Variants in MAPRE2 observed in about 807,000 individuals in gnomAD.
MAPRE2 encodes the protein microtubule associated protein RP/EB family member 2.
MAPRE2 carries 13 observed loss-of-function variants against 43.2 expected under a neutral mutation model. That is an observed-to-expected ratio of 0.30 (90% CI 0.20 to 0.48). MAPRE2 has a LOEUF of 0.48. MAPRE2 is among the 20% of genes least tolerant of loss of function. MAPRE2 has a pLI of 0.99. For synonymous variants in MAPRE2, 135 were observed against 148.8 expected (o/e 0.91, Z 0.68); for missense variants, 161 against 400.2 (o/e 0.40, Z 5.10).
At chr18:34,993,949 A>G (rs11663908) in intron 1 of MAPRE2, among the ~76,000 whole-genome samples, 4,247 of 150,886 alleles carry the variant, frequency 0.028, 102 homozygotes, top group Non-Finnish European at 0.036. Flanking sequence ...AGATGATCTC[A>G]TTTAATGCCA....
At chr18:35,094,512 T>G (rs1908310608) in intron 2 of MAPRE2, among the ~76,000 whole-genome samples, 2 of 152,140 alleles carry the variant, frequency 1.3e-5, no homozygotes, top group African/African-American at 4.8e-5. Flanking sequence ...AGGCAATAGA[T>G]AGTAAAAATA....
At chr18:34,997,603 G>C (rs920711651) in intron 1 of MAPRE2, among the ~76,000 whole-genome samples, 14 of 152,142 alleles carry the variant, frequency 9.2e-5, no homozygotes. Flanking sequence ...ATCCCCTGAG[G>C]TAAAGAGTTC....
chr18:35,089,532 G>A (rs1339741474), intron 2 of MAPRE2, among the ~76,000 whole-genome samples: 1 of 140,890 alleles, frequency 7.1e-6, no homozygotes, highest in East Asian at 2.0e-4. Flanking sequence ...ACATACAAAT[G>A]GCCTAAAAAG....
chr18:34,999,106 C>T (rs747258596), intron 1 of MAPRE2, among the ~76,000 whole-genome samples: 5 of 152,120 alleles, frequency 3.3e-5, no homozygotes, highest in Non-Finnish European at 7.4e-5. Flanking sequence ...AAACCTCTCT[C>T]TGTGCTACTT....
At chr18:35,005,558 G>A (rs2150580663) in intron 2 of MAPRE2, 1 of 1,524,898 alleles carries the variant, frequency 6.6e-7, no homozygotes, top group East Asian at 2.5e-5. Context: ...CTCAAGGTAA[G>A]GTTTATATAA....
intron 5 of MAPRE2, 30 bp downstream of exon 5, chr18:35,127,117 G>C: frequency 1.2e-6 from 2 of 1,613,698 alleles, no homozygotes; most frequent in Non-Finnish European, 1.7e-6. Context: ...CACGCCTCTA[G>C]GAGCAGTGAC....
At chr18:35,017,571 T>G (rs273355) in intron 2 of MAPRE2, among the ~76,000 whole-genome samples, 5 of 29,570 alleles carry the variant, frequency 1.7e-4, no homozygotes, top group Non-Finnish European at 2.3e-4. Flanking sequence ...TTGTTTTTTG[T>G]TTTTTTTTTA....
At chr18:35,114,186 T>C (rs542671319) in intron 4 of MAPRE2, among the ~76,000 whole-genome samples, 3 of 152,282 alleles carry the variant, frequency 2.0e-5, no homozygotes, top group South Asian at 4.1e-4. Flanking sequence ...ATGTCATGGA[T>C]GTGGTCTTGT....
intron 4 of MAPRE2, among the ~76,000 whole-genome samples, chr18:35,108,668 CTG>C (rs533842741): frequency 9.8e-4 from 149 of 151,696 alleles, no homozygotes; most frequent in African/African-American, 3.5e-3. Context: ...ACTATTCTGA[CTG>C]TGTGAGATGG....
intron 2 of MAPRE2, among the ~76,000 whole-genome samples, chr18:35,086,051 A>G (rs1390060320): frequency 3.9e-5 from 6 of 152,136 alleles, no homozygotes; most frequent in Non-Finnish European, 8.8e-5. Flanking sequence ...ATCAGTACCA[A>G]ATAAGATTAT....
Position 35,097,582 on chromosome 18 carries a change from C to A in MAPRE2, c.387C>A (p.Asn129Lys), listed in dbSNP as rs750392221. 1 of 1,612,054 alleles carries A rather than the reference C, an allele frequency of 6.2e-7. No homozygotes were observed. Among genetic ancestry groups the A allele is most frequent in the South Asian group, 1.1e-5 (1 of 90,862 alleles). The part of the protein sequence containing the change: ...KLLQASFKRM[N>K]VDKVIPVEKL... ...TGCAAGCATCATTTAAGCGAATGAA[C>A]GTTGATAAGGTAGGAGACTTGTACC... The change falls in exon 3 of 7, where the codon AAC (asparagine) becomes AAA (lysine). Residue 129 changes from asparagine to lysine, a missense_variant. Transcript: ENST00000300249.
intron 1 of MAPRE2, among the ~76,000 whole-genome samples, chr18:34,998,257 G>A (rs1383012252): frequency 6.6e-6 from 1 of 151,922 alleles, no homozygotes; most frequent in East Asian, 1.9e-4. Context: ...ACTTATGGAC[G>A]GAGGCTATGC....
intron 2 of MAPRE2, among the ~76,000 whole-genome samples, chr18:35,094,672 G>T (rs1030621820): frequency 3.3e-5 from 5 of 152,132 alleles, no homozygotes; most frequent in Non-Finnish European, 5.9e-5. Flanking sequence ...AAAATGTTGG[G>T]TAGCTCAGAG....
intron 1 of MAPRE2, among the ~76,000 whole-genome samples, chr18:35,053,088 G>T (rs961526194): frequency 3.3e-5 from 5 of 150,182 alleles, no homozygotes; most frequent in Admixed American, 1.3e-4. Context: ...TCCTCAGTAA[G>T]TACATATTAA....
At chr18:35,075,822 T>C (rs1221744121) in intron 2 of MAPRE2, among the ~76,000 whole-genome samples, 2 of 152,174 alleles carry the variant, frequency 1.3e-5, no homozygotes, top group Admixed American at 1.3e-4. Flanking sequence ...CAGGCAGTAA[T>C]ATATGGTAAT....
At chr18:35,042,702 C>G (rs1425403308) in intron 1 of MAPRE2, among the ~76,000 whole-genome samples, 2 of 152,132 alleles carry the variant, frequency 1.3e-5, no homozygotes, top group African/African-American at 4.8e-5. Flanking sequence ...GCTAACAATG[C>G]TTTTGCTTTG....
chr18:35,051,087 G>A (rs1301227631), intron 1 of MAPRE2, among the ~76,000 whole-genome samples: 2 of 152,188 alleles, frequency 1.3e-5, no homozygotes, highest in Non-Finnish European at 2.9e-5. Context: ...TGGGAAGTGA[G>A]TGCAGCATGG....
chr18:35,068,223 A>G (rs927176817), intron 1 of MAPRE2, among the ~76,000 whole-genome samples: 1 of 152,192 alleles, frequency 6.6e-6, no homozygotes. Context: ...TTTTGCTATT[A>G]TATCTAGTCA....
At chr18:35,062,318 A>G (rs776671322) in intron 1 of MAPRE2, among the ~76,000 whole-genome samples, 7 of 152,266 alleles carry the variant, frequency 4.6e-5, no homozygotes, top group Non-Finnish European at 8.8e-5. Context: ...AGGTTATTTT[A>G]GAAAGATGCC....
Sources: allele counts gnomAD v4.1 joint callset (sites outside exome capture counted in the v4.1 genomes callset), GRCh38; gene constraint gnomAD v4.1.1; transcripts MANE v1.5; gene names NCBI Gene and HGNC (gene_info 2026-07-23, HGNC 2026-07-21).